The following SRPK2 variants were observed in gnomAD, a reference collection of about 807,000 sequenced individuals.
The protein encoded by SRPK2 is SFRS protein kinase 2.
Under a neutral mutation model 90.8 loss-of-function variants are expected in SRPK2, and 21 were observed. The observed-to-expected ratio is 0.23, with a 90% confidence interval of 0.16 to 0.33. The LOEUF is 0.33. Ranked by LOEUF, SRPK2 falls within the 10% of genes least tolerant of loss-of-function variation. SRPK2 has a pLI of 1.00. For synonymous variants in SRPK2, 288 were observed against 311.1 expected, an observed-to-expected ratio of 0.93 and a Z score of 0.78; for missense variants, 620 against 869.0, an observed-to-expected ratio of 0.71 and a Z score of 3.60.
chr7:105,302,205 CTTACA>C, intron 2 of SRPK2: 1 of 769,048 alleles, frequency 1.3e-6, no homozygotes, highest in Non-Finnish European at 2.3e-6. Flanking sequence ...TTGTATGTTT[CTTACA>C]TTAAAAAGGT....
chr7:105,209,091 A>C (rs933541143), intron 2 of SRPK2, among the ~76,000 whole-genome samples: 6 of 152,258 alleles, frequency 3.9e-5, no homozygotes, highest in Non-Finnish European at 8.8e-5. Context: ...GATTTAAGCA[A>C]TCAATATGCA....
At chr7:105,215,859 A>C (rs1165626333) in intron 2 of SRPK2, among the ~76,000 whole-genome samples, 1 of 152,144 alleles carries the variant, frequency 6.6e-6, no homozygotes, top group Non-Finnish European at 1.5e-5. Context: ...TGACTACTCA[A>C]GTGTATGAAG....
At chr7:105,162,066 C>T (rs971945339) in intron 6 of SRPK2, among the ~76,000 whole-genome samples, 4 of 152,036 alleles carry the variant, frequency 2.6e-5, no homozygotes, top group African/African-American at 9.7e-5. Flanking sequence ...TTTTGAGACA[C>T]AGTCTTGTTC....
rs377507841 is a variant in SRPK2 at position 105,396,796 on chromosome 7, G to A, written n.153+2360C>T. 8.5e-3 allele frequency among the ~76,000 whole-genome samples: 719 copies of A among 84,304 alleles called. 2 individuals are homozygous for A. The highest frequency in any genetic ancestry group is 0.016 in the African/African-American group (469 of 28,704). 55.3% of individuals were successfully genotyped at this position (84,304 alleles called of 152,430 possible). ...AGAAAGAGAGAGAAAGAAAGAAAGA[G>A]AAAGAGAAAGAAAGAAAGAGAGAAA... On this transcript the variant is annotated intron_variant and non_coding_transcript_variant, in intron 1 of 3. Coordinates refer to the SRPK2 transcript ENST00000462282.
intron 2 of SRPK2, among the ~76,000 whole-genome samples, chr7:105,258,417 CAAA>C (rs33941320): frequency 0.29 from 35,859 of 121,558 alleles, 4,765 homozygotes; most frequent in Middle Eastern, 0.35. Context: ...AACTCGGTCT[CAAA>C]AAAAAAAAAA....
intron 2 of SRPK2, among the ~76,000 whole-genome samples, chr7:105,334,092 T>C (rs577673203): frequency 1.3e-5 from 2 of 152,180 alleles, no homozygotes; most frequent in African/African-American, 4.8e-5. Context: ...ATTTTATTTT[T>C]TATTTTTTGA....
intron 3 of SRPK2, among the ~76,000 whole-genome samples, chr7:105,185,246 A>C (rs1793426360): frequency 6.6e-6 from 1 of 152,016 alleles, no homozygotes; most frequent in South Asian, 2.1e-4. Context: ...TTAAAAGAAA[A>C]AATTAAAAAA....
At chr7:105,265,955 C>T (rs1359967815) in intron 2 of SRPK2, among the ~76,000 whole-genome samples, 1 of 151,648 alleles carries the variant, frequency 6.6e-6, no homozygotes, top group Non-Finnish European at 1.5e-5. Context: ...AACACAAAAC[C>T]AAAAAATAAA....
chr7:105,245,180 G>A (rs1216001536), intron 2 of SRPK2, among the ~76,000 whole-genome samples: 3 of 152,032 alleles, frequency 2.0e-5, no homozygotes, highest in African/African-American at 4.8e-5. Context: ...CCAGAAACGT[G>A]AACATGAGAC....
chr7:105,311,247 T>C (rs1283352129), intron 2 of SRPK2, among the ~76,000 whole-genome samples: 3 of 152,202 alleles, frequency 2.0e-5, no homozygotes, highest in Non-Finnish European at 4.4e-5. Flanking sequence ...TCTTATTTTT[T>C]TTTTGAGACG....
At chr7:105,389,382 C>G (rs1170267455), upstream of SRPK2, 14 of 1,251,994 alleles carry the variant, frequency 1.1e-5, no homozygotes, top group Non-Finnish European at 1.4e-5. Context: ...AGCGCCGCTT[C>G]CTCCTCTCCG....
At chr7:105,376,243 C>G (rs1420884493) in intron 2 of SRPK2, among the ~76,000 whole-genome samples, 3 of 151,748 alleles carry the variant, frequency 2.0e-5, no homozygotes. Context: ...GTGATCCGCC[C>G]GCCTTGGCCT....
intron 6 of SRPK2, 64 bp downstream of exon 6, chr7:105,167,313 G>A (rs889390337): frequency 1.3e-5 from 18 of 1,359,280 alleles, no homozygotes; most frequent in Non-Finnish European, 1.8e-5. Flanking sequence ...GAGATTATAG[G>A]AGCTTGAAAT....
At chr7:105,118,094 T>C (rs1012851936) in intron 15 of SRPK2, 72 bp from the exon 16 acceptor site, 40 of 1,541,326 alleles carry the variant, frequency 2.6e-5, no homozygotes, top group Middle Eastern at 1.8e-4. Flanking sequence ...TCCAGTCAGG[T>C]TCTTTTCAGT....
At chr7:105,135,214 G>A (rs924763106) in intron 11 of SRPK2, among the ~76,000 whole-genome samples, 2 of 152,218 alleles carry the variant, frequency 1.3e-5, no homozygotes, top group Admixed American at 6.5e-5. Flanking sequence ...ATATCTACAA[G>A]TTGTAAGACT....
chr7:105,256,182 C>G (rs1006188390), intron 2 of SRPK2, among the ~76,000 whole-genome samples: 2 of 152,056 alleles, frequency 1.3e-5, no homozygotes, highest in African/African-American at 4.8e-5. Context: ...TTAAAAATCC[C>G]CTACAATAAG....
intron 2 of SRPK2, among the ~76,000 whole-genome samples, chr7:105,387,526 T>A (rs1402970297): frequency 5.6e-5 from 8 of 143,476 alleles, no homozygotes; most frequent in Non-Finnish European, 1.2e-4. Context: ...TTTTTTTTTT[T>A]AAGGTATTTT....
At chr7:105,251,976 G>A (rs1802541396) in intron 2 of SRPK2, among the ~76,000 whole-genome samples, 1 of 152,082 alleles carries the variant, frequency 6.6e-6, no homozygotes, top group South Asian at 2.1e-4. Flanking sequence ...CACAGAGTTC[G>A]TCTATATTAA....
intron 2 of SRPK2, among the ~76,000 whole-genome samples, chr7:105,337,490 T>C (rs1815242643): frequency 6.6e-6 from 1 of 151,520 alleles, no homozygotes; most frequent in Admixed American, 6.6e-5. Context: ...AATTTTTTTA[T>C]TTTTAGTAGA....
Sources: gnomAD v4.1 joint callset for allele counts (sites outside exome capture counted in the v4.1 genomes callset) on GRCh38, gnomAD v4.1.1 for gene constraint, MANE v1.5 for transcripts, NCBI Gene and HGNC (gene_info 2026-07-23, HGNC 2026-07-21) for gene names.